The following CDYL2 variants were observed in gnomAD, a reference collection of about 807,000 sequenced individuals.
CDYL2 encodes chromodomain Y like 2.
In CDYL2, 23 loss-of-function variants were observed where a neutral mutation model predicts 49.4. The ratio of observed to expected loss-of-function variants is 0.47; its 90% CI spans 0.34 to 0.66. The LOEUF is 0.66. Among genes scored for constraint, CDYL2 ranks in the 30% least tolerant of loss-of-function variants. The pLI, the probability that CDYL2 is intolerant of heterozygous loss-of-function variation, is 0.01. For missense variants in CDYL2, 678 were observed against 656.4 expected (o/e 1.03, Z -0.36); for synonymous variants, 360 against 268.8 (o/e 1.34, Z -3.32).
At chr16:80,734,740 A>G in intron 1 of CDYL2, among the ~76,000 whole-genome samples, 1 of 152,184 alleles carries the variant, frequency 6.6e-6, no homozygotes, top group East Asian at 1.9e-4. Context: ...GCATTCTAGG[A>G]AATGCAGGTG....
At chr16:80,769,599 G>A (rs372649476) in intron 1 of CDYL2, among the ~76,000 whole-genome samples, 19 of 152,226 alleles carry the variant, frequency 1.2e-4, no homozygotes, top group African/African-American at 4.6e-4. Context: ...GTAAGCTTCT[G>A]GTCATGTCAA....
In CDYL2 at chr16:80,699,938, G is replaced by A. The variant is rs563668924; in HGVS notation, c.25-14809C>T. Among the ~76,000 whole-genome samples the A allele has an allele frequency of 8.6e-5, 13 of 150,460 alleles. No individual in the cohort carries two copies. The South Asian group carries it at 1.5e-3, about 17-fold the overall frequency. Reference sequence around the variant, plus strand: ...GCCGGAGTGCAGTGGCGCGATCTCCGCTCACCGCAAGCCCCGCCTCCCTGA... The same window carrying A: ...GCCGGAGTGCAGTGGCGCGATCTCCACTCACCGCAAGCCCCGCCTCCCTGA... On this transcript the variant is annotated intron_variant, in intron 1 of 6. Transcript: ENST00000570137.
intron 1 of CDYL2, among the ~76,000 whole-genome samples, chr16:80,702,205 CA>C (rs1397180708): frequency 4.0e-5 from 6 of 151,824 alleles, no homozygotes; most frequent in Non-Finnish European, 8.8e-5. Flanking sequence ...CACACACACA[CA>C]CACACACACA....
intron 1 of CDYL2, among the ~76,000 whole-genome samples, chr16:80,770,968 A>G (rs1440619760): frequency 6.6e-6 from 1 of 152,232 alleles, no homozygotes; most frequent in African/African-American, 2.4e-5. Flanking sequence ...TCAGCTGACA[A>G]AAGTTGGGAA....
intron 1 of CDYL2, among the ~76,000 whole-genome samples, chr16:80,801,814 C>A (rs1233533416): frequency 6.6e-6 from 1 of 152,172 alleles, no homozygotes; most frequent in Non-Finnish European, 1.5e-5. Context: ...GTACACTTAG[C>A]ACTTCTTAAT....
chr16:80,696,427 A>G (rs1459494691), intron 1 of CDYL2, among the ~76,000 whole-genome samples: 1 of 152,140 alleles, frequency 6.6e-6, no homozygotes, highest in Non-Finnish European at 1.5e-5. Flanking sequence ...AAGGTCAACA[A>G]TACAGTTTTT....
At chr16:80,769,589 G>A (rs2142392750) in intron 1 of CDYL2, among the ~76,000 whole-genome samples, 1 of 152,274 alleles carries the variant, frequency 6.6e-6, no homozygotes, top group African/African-American at 2.4e-5. Flanking sequence ...AGCAGACAAT[G>A]TAAGCTTCTG....
chr16:80,654,278 G>T (rs1366136780), intron 2 of CDYL2, among the ~76,000 whole-genome samples: 2 of 152,188 alleles, frequency 1.3e-5, no homozygotes, highest in African/African-American at 4.8e-5. Flanking sequence ...CCCTCCTAAG[G>T]AAGATTACTG....
At chr16:80,770,051 G>A (rs1051362691) in intron 1 of CDYL2, among the ~76,000 whole-genome samples, 3 of 152,124 alleles carry the variant, frequency 2.0e-5, no homozygotes, top group Admixed American at 1.3e-4. Flanking sequence ...AATGGTCACT[G>A]CAGAAAACCG....
intron 2 of CDYL2, among the ~76,000 whole-genome samples, chr16:80,642,378 GT>G (rs1908136501): frequency 6.6e-6 from 1 of 152,208 alleles, no homozygotes; most frequent in Non-Finnish European, 1.5e-5. Flanking sequence ...GGAGGCGGAA[GT>G]TGCAGTGAGC....
intron 2 of CDYL2, among the ~76,000 whole-genome samples, chr16:80,673,795 G>A (rs532287857): frequency 1.3e-5 from 2 of 152,298 alleles, no homozygotes; most frequent in Admixed American, 6.5e-5. Flanking sequence ...ATTAAGTTAA[G>A]GATTTGGAGA....
chr16:80,654,994 C>T (rs1259116172), intron 2 of CDYL2, among the ~76,000 whole-genome samples: 1 of 152,142 alleles, frequency 6.6e-6, no homozygotes, highest in African/African-American at 2.4e-5. Context: ...GTTTCTGCAG[C>T]GGCCCAGGCA....
chr16:80,715,957 A>G (rs1486222302), intron 1 of CDYL2, among the ~76,000 whole-genome samples: 1 of 152,168 alleles, frequency 6.6e-6, no homozygotes, highest in Non-Finnish European at 1.5e-5. Flanking sequence ...TAAGCCCAAA[A>G]CCCAGCTCTG....
chr16:80,634,495 G>A (rs562955607), intron 2 of CDYL2, among the ~76,000 whole-genome samples: 17 of 152,288 alleles, frequency 1.1e-4, no homozygotes, highest in Admixed American at 7.2e-4. Context: ...AGGGCCTGTC[G>A]TGGGGTGGGG....
intron 2 of CDYL2, among the ~76,000 whole-genome samples, chr16:80,657,651 C>G (rs1908866806): frequency 6.6e-6 from 1 of 152,048 alleles, no homozygotes; most frequent in South Asian, 2.1e-4. Flanking sequence ...TGACAATATA[C>G]TCTGCAACAG....
intron 1 of CDYL2, among the ~76,000 whole-genome samples, chr16:80,738,178 C>G (rs2859083): frequency 6.6e-6 from 1 of 152,114 alleles, no homozygotes; most frequent in Non-Finnish European, 1.5e-5. Flanking sequence ...CATCCATGTC[C>G]CTGCAAAGGA....
intron 1 of CDYL2, among the ~76,000 whole-genome samples, chr16:80,717,149 A>AGATG (rs200642445): frequency 0.06 from 8,228 of 137,948 alleles, 373 homozygotes; most frequent in African/African-American, 0.14. Context: ...CTGGATCGAT[A>AGATG]GATGGATGGA....
chr16:80,683,973 A>G lies in CDYL2; in HGVS notation c.616+565T>C, dbSNP rs74924467. Among the ~76,000 whole-genome samples the G allele has an allele frequency of 4.5e-3, 682 of 152,344 alleles. 3 individuals are homozygous for G. The highest frequency in any genetic ancestry group is 0.015 in the African/African-American group (639 of 41,584). On this transcript the variant is annotated intron_variant, in intron 2 of 6. Coordinates refer to ENST00000570137, the MANE Select transcript of CDYL2 (RefSeq NM_152342.4). ...CCTGAACAGACTAAGACAGGACCTA[A>G]TATAGGTCAATCATCCAACCTAGAG...
intron 1 of CDYL2, among the ~76,000 whole-genome samples, chr16:80,745,446 T>C (rs1442028172): frequency 6.6e-6 from 1 of 152,196 alleles, no homozygotes; most frequent in Non-Finnish European, 1.5e-5. Context: ...AATCCCAGCC[T>C]GACACTTACT....
Sources: gnomAD v4.1 joint callset for allele counts (sites outside exome capture counted in the v4.1 genomes callset) on GRCh38, gnomAD v4.1.1 for gene constraint, MANE v1.5 for transcripts, NCBI Gene and HGNC (gene_info 2026-07-23, HGNC 2026-07-21) for gene names.